Variants in RAB31 observed in about 807,000 individuals in gnomAD.
RAB31 encodes the protein RAB31, member RAS oncogene family.
Under a neutral mutation model 25.6 loss-of-function variants are expected in RAB31, and 21 were observed. That is an observed-to-expected ratio of 0.82 (90% CI 0.58 to 1.18). The LOEUF (loss-of-function observed/expected upper bound fraction) is 1.18. Among genes scored for constraint, RAB31 ranks in the 50% most tolerant of loss-of-function variants. The pLI is 0.00. For missense variants in RAB31, 196 were observed against 250.1 expected, an observed-to-expected ratio of 0.78 and a Z score of 1.46; for synonymous variants, 87 against 84.0, an observed-to-expected ratio of 1.04 and a Z score of -0.20.
chr18:9,837,393 A>T (rs1349303839), intron 5 of RAB31, among the ~76,000 whole-genome samples: 1 of 152,236 alleles, frequency 6.6e-6, no homozygotes, highest in African/African-American at 2.4e-5. Context: ...AATAATTTTT[A>T]AAATAATCTT....
chr18:9,779,116 T>A (rs957022198), intron 2 of RAB31, among the ~76,000 whole-genome samples: 2 of 152,148 alleles, frequency 1.3e-5, no homozygotes, highest in Non-Finnish European at 2.9e-5. Context: ...AGTGGGCCCA[T>A]GACATTCAAA....
At chr18:9,797,026 A>G (rs1423894093) in intron 3 of RAB31, among the ~76,000 whole-genome samples, 5 of 152,244 alleles carry the variant, frequency 3.3e-5, no homozygotes, top group Non-Finnish European at 7.3e-5. Flanking sequence ...CTCATTAGAA[A>G]GTCTTCTATT....
intron 1 of RAB31, among the ~76,000 whole-genome samples, chr18:9,716,040 T>C (rs772407633): frequency 9.9e-5 from 15 of 152,208 alleles, no homozygotes; most frequent in Non-Finnish European, 1.3e-4. Flanking sequence ...GTTCAGATGT[T>C]TCCAGTTGCC....
intron 1 of RAB31, among the ~76,000 whole-genome samples, chr18:9,772,496 C>T (rs762497390): frequency 6.6e-6 from 1 of 152,158 alleles, no homozygotes; most frequent in Non-Finnish European, 1.5e-5. Context: ...CTCCTGGAGG[C>T]CAGGGAGGGT....
intron 5 of RAB31, among the ~76,000 whole-genome samples, chr18:9,819,517 T>C (rs2068615036): frequency 6.6e-6 from 1 of 152,162 alleles, no homozygotes; most frequent in East Asian, 1.9e-4. Context: ...TTCAACGTTG[T>C]TCTCTTTTTC....
intron 1 of RAB31, among the ~76,000 whole-genome samples, chr18:9,749,206 G>A (rs907833447): frequency 6.6e-6 from 1 of 152,204 alleles, no homozygotes; most frequent in African/African-American, 2.4e-5. Flanking sequence ...GCATCATCAC[G>A]ATAATAATCA....
chr18:9,803,911 A>G (rs1247358047), intron 3 of RAB31, among the ~76,000 whole-genome samples: 1 of 152,210 alleles, frequency 6.6e-6, no homozygotes, highest in African/African-American at 2.4e-5. Flanking sequence ...CTAGGTGCAG[A>G]ACAGCCCTCC....
rs117860979 is a variant in RAB31, at chr18:9,736,517, G to A, written c.39+28073G>A. ...CCCTTTTTTTTTCATTTGTTGATTG[G>A]CAAAGCTGAGATTTCCCAGTGTATG... On this transcript the variant is annotated intron_variant, in intron 1 of 6. Transcript: ENST00000578921. Among the ~76,000 whole-genome samples, 861 of 152,092 alleles carry A rather than the reference G, an allele frequency of 5.7e-3. 5 individuals carry two copies. Among genetic ancestry groups the A allele is most frequent in the Non-Finnish European group, 9.8e-3 (668 of 68,002 alleles).
intron 1 of RAB31, among the ~76,000 whole-genome samples, chr18:9,748,082 G>C (rs2068214548): frequency 6.6e-6 from 1 of 152,194 alleles, no homozygotes; most frequent in South Asian, 2.1e-4. Flanking sequence ...CATTAACTCT[G>C]ATTAATTACA....
intron 1 of RAB31, among the ~76,000 whole-genome samples, chr18:9,754,171 A>G (rs2068249245): frequency 6.6e-6 from 1 of 152,238 alleles, no homozygotes; most frequent in South Asian, 2.1e-4. Flanking sequence ...TGCTTATGCA[A>G]TAAGGTACTC....
At position 9,711,170 on chromosome 18, in the gene RAB31, T is replaced by TTCTC. The variant is rs111627591; in HGVS notation, c.39+2741_39+2744dup. 5.4e-3 allele frequency among the ~76,000 whole-genome samples: 820 copies of TTCTC among 150,524 alleles called. 6 individuals carry two copies. Among genetic ancestry groups the TTCTC allele is most frequent in the African/African-American group, 0.019 (770 of 41,070 alleles). ...ATTTGACTGTCTTCGGTTTACTCTC[T>TTCTC]TCTCTCTCTCTCTCTCTCCTCTTTT... On this transcript the variant is annotated intron_variant, in intron 1 of 6. Coordinates refer to ENST00000578921, the MANE Select transcript of RAB31 (RefSeq NM_006868.4).
At chr18:9,824,226 G>A (rs1329890373) in intron 5 of RAB31, among the ~76,000 whole-genome samples, 1 of 151,934 alleles carries the variant, frequency 6.6e-6, no homozygotes, top group African/African-American at 2.4e-5. Flanking sequence ...ATGTGTGTGT[G>A]TATGTGTGTG....
chr18:9,710,032 C>A (rs932464913), intron 1 of RAB31, among the ~76,000 whole-genome samples: 14 of 152,148 alleles, frequency 9.2e-5, no homozygotes, highest in African/African-American at 3.4e-4. Context: ...TTCTGCAACT[C>A]TTTTCTCTTG....
intron 1 of RAB31, among the ~76,000 whole-genome samples, chr18:9,737,640 A>G (rs1161612788): frequency 6.6e-6 from 1 of 152,152 alleles, no homozygotes; most frequent in Non-Finnish European, 1.5e-5. Context: ...GCTTGTGTTT[A>G]TTATTCTGGT....
chr18:9,740,865 C>T (rs1489230204), intron 1 of RAB31, among the ~76,000 whole-genome samples: 2 of 152,140 alleles, frequency 1.3e-5, no homozygotes, highest in East Asian at 1.9e-4. Context: ...AGTTGCTGCA[C>T]AGGGGTCTCT....
chr18:9,739,022 A>G (rs567227521), intron 1 of RAB31, among the ~76,000 whole-genome samples: 3 of 152,378 alleles, frequency 2.0e-5, no homozygotes, highest in Non-Finnish European at 4.4e-5. Flanking sequence ...TTGTGAGAGT[A>G]GACTAGGAGA....
At chr18:9,749,715 A>G (rs1290754481) in intron 1 of RAB31, among the ~76,000 whole-genome samples, 2 of 152,238 alleles carry the variant, frequency 1.3e-5, no homozygotes, top group African/African-American at 4.8e-5. Context: ...ATGAATGGCT[A>G]CTAGCTCTTG....
chr18:9,814,188 A>C, intron 4 of RAB31, 97 bp downstream of exon 4: 1 of 843,854 alleles, frequency 1.2e-6, no homozygotes, highest in South Asian at 1.5e-5. Context: ...TCTTGCCAGT[A>C]GCGTGCCACT....
chr18:9,834,779 T>C (rs2068696043), intron 5 of RAB31, among the ~76,000 whole-genome samples: 1 of 152,220 alleles, frequency 6.6e-6, no homozygotes. Flanking sequence ...TGGTTTAATC[T>C]TCTGTTCCTG....
Sources: gnomAD v4.1 joint callset for allele counts (sites outside exome capture counted in the v4.1 genomes callset) on GRCh38, gnomAD v4.1.1 for gene constraint, MANE v1.5 for transcripts, NCBI Gene and HGNC (gene_info 2026-07-23, HGNC 2026-07-21) for gene names.